ADAM22: variants seen among roughly 807,000 people sequenced by gnomAD.
The protein encoded by ADAM22 is ADAM metallopeptidase domain 22.
Under a neutral mutation model 144.6 loss-of-function variants are expected in ADAM22, and 65 were observed. That is an observed-to-expected ratio of 0.45 (90% CI 0.37 to 0.55). ADAM22 has a LOEUF of 0.55. ADAM22 is among the 20% of genes least tolerant of loss of function. The probability of loss-of-function intolerance (pLI) is 0.00; values close to 1 mark genes in which losing one functional copy is unlikely to be tolerated. For missense variants in ADAM22, 974 were observed against 1,184.9 expected, an observed-to-expected ratio of 0.82 and a Z score of 2.61; for synonymous variants, 391 against 412.6, an observed-to-expected ratio of 0.95 and a Z score of 0.63.
At chr7:87,938,207 A>ATTTTTTTTTTTTT (rs59698275) in intron 2 of ADAM22, among the ~76,000 whole-genome samples, 1 of 75,554 alleles carries the variant, frequency 1.3e-5, no homozygotes, top group Non-Finnish European at 2.4e-5. Context: ...ATACCCATAG[A>ATTTTTTTTTTTTT]TTTTTTTTTT....
At chr7:87,992,232 A>G (rs1790077370) in intron 3 of ADAM22, among the ~76,000 whole-genome samples, 2 of 152,188 alleles carry the variant, frequency 1.3e-5, no homozygotes, top group South Asian at 4.1e-4. Context: ...AAAGCAGAGG[A>G]AAGAGATGGA....
In ADAM22 at chr7:88,196,894, A is replaced by G. The variant is rs1850744388; in HGVS notation, c.*403A>G. 5.2e-6 allele frequency: 1 copy of G among 191,628 alleles called. No individual in the cohort carries two copies. Among genetic ancestry groups the G allele is most frequent in the African/African-American group, 2.3e-5 (1 of 43,284 alleles). 11.9% of individuals were successfully genotyped at this position (191,628 alleles called of 1,614,324 possible). Reference sequence around the variant, plus strand: ...CATCCTCACTGTAAACAGTAATGCTATATGCATGAAGCTTCTGTTTATTGT... The same window carrying G: ...CATCCTCACTGTAAACAGTAATGCTGTATGCATGAAGCTTCTGTTTATTGT... On this transcript the variant is annotated 3_prime_UTR_variant, in exon 32 of 32. Coordinates refer to ENST00000413139, the MANE Select transcript of ADAM22 (RefSeq NM_001324418.2).
intron 4 of ADAM22, among the ~76,000 whole-genome samples, chr7:88,078,195 A>G (rs62486389): frequency 0.24 from 36,643 of 152,118 alleles, 5,581 homozygotes; most frequent in South Asian, 0.39. Context: ...CAATTCCCCA[A>G]TATCCACTTT....
intron 4 of ADAM22, among the ~76,000 whole-genome samples, chr7:88,101,406 T>C (rs1435680716): frequency 6.6e-6 from 1 of 152,130 alleles, no homozygotes; most frequent in Non-Finnish European, 1.5e-5. Context: ...TGTTTGGATC[T>C]GGAGGTGCCT....
intron 14 of ADAM22, among the ~76,000 whole-genome samples, chr7:88,140,252 C>G (rs1834207379): frequency 6.6e-6 from 1 of 152,052 alleles, no homozygotes; most frequent in African/African-American, 2.4e-5. Context: ...TTTGAGGGGA[C>G]AAACATCCAA....
chr7:88,008,658 C>G (rs1425537611), intron 3 of ADAM22, among the ~76,000 whole-genome samples: 1 of 151,420 alleles, frequency 6.6e-6, no homozygotes, highest in Non-Finnish European at 1.5e-5. Context: ...GGACAAAAAA[C>G]CAAACACCAC....
At chr7:88,061,112 A>G (rs1004999733) in intron 3 of ADAM22, among the ~76,000 whole-genome samples, 1 of 152,142 alleles carries the variant, frequency 6.6e-6, no homozygotes, top group Admixed American at 6.5e-5. Flanking sequence ...TCAAAAAAAA[A>G]AAGAGTCCTC....
chr7:88,075,161 C>T (rs5885611), intron 3 of ADAM22, among the ~76,000 whole-genome samples: 57,115 of 151,966 alleles, frequency 0.38, 11,946 homozygotes, highest in East Asian at 0.62. Flanking sequence ...TATTCCATTT[C>T]ATTTCTTTTA....
chr7:88,162,423 C>G (rs992409014), intron 22 of ADAM22, among the ~76,000 whole-genome samples: 7 of 151,982 alleles, frequency 4.6e-5, no homozygotes, highest in African/African-American at 1.7e-4. Flanking sequence ...TTCTGCACGA[C>G]AAACCCTCAT....
chr7:87,980,287 CTTTT>C (rs71120015), intron 3 of ADAM22, among the ~76,000 whole-genome samples: 1 of 118,398 alleles, frequency 8.4e-6, no homozygotes. Flanking sequence ...GCACTGTGCT[CTTTT>C]TTTTTTTTGC....
chr7:88,148,577 G>A (rs1050132954), intron 17 of ADAM22, among the ~76,000 whole-genome samples: 4 of 152,064 alleles, frequency 2.6e-5, no homozygotes, highest in African/African-American at 9.7e-5. Context: ...AATTTTTGTG[G>A]TTCAACCCAA....
intron 3 of ADAM22, among the ~76,000 whole-genome samples, chr7:88,012,734 A>T (rs112976803): frequency 9.9e-5 from 15 of 152,264 alleles, no homozygotes; most frequent in African/African-American, 3.6e-4. Context: ...ATTAAATCTC[A>T]GTCTTTTAAG....
intron 14 of ADAM22, among the ~76,000 whole-genome samples, chr7:88,136,831 G>A (rs1381784851): frequency 6.6e-6 from 1 of 151,344 alleles, no homozygotes; most frequent in Non-Finnish European, 1.5e-5. Context: ...AAAAAAATTT[G>A]GAATGTTATT....
At chr7:88,132,174 T>C (rs1040090329) in intron 11 of ADAM22, 3 of 151,472 alleles carry the variant, frequency 2.0e-5, no homozygotes, top group African/African-American at 7.3e-5. Context: ...TTCCTGAACC[T>C]CTTGAAAGTA....
chr7:88,154,424 A>T (rs1839321279), intron 21 of ADAM22, among the ~76,000 whole-genome samples: 1 of 152,164 alleles, frequency 6.6e-6, no homozygotes, highest in East Asian at 1.9e-4. Context: ...CCTTTAACTC[A>T]TACCATCATC....
intron 2 of ADAM22, among the ~76,000 whole-genome samples, chr7:87,947,878 G>A (rs761005109): frequency 4.6e-5 from 7 of 152,012 alleles, no homozygotes; most frequent in Non-Finnish European, 7.4e-5. Context: ...TCTTTCCATC[G>A]TTGAGCACAG....
chr7:88,050,878 T>G (rs1327258468), intron 3 of ADAM22, among the ~76,000 whole-genome samples: 1 of 152,264 alleles, frequency 6.6e-6, no homozygotes, highest in Non-Finnish European at 1.5e-5. Flanking sequence ...ATTCCATTTG[T>G]CAATTTTGGC....
intron 2 of ADAM22, among the ~76,000 whole-genome samples, chr7:87,969,797 C>T (rs1306314158): frequency 6.6e-6 from 1 of 152,190 alleles, no homozygotes; most frequent in Non-Finnish European, 1.5e-5. Context: ...CACTGTTCTA[C>T]TTCTTGTAAT....
intron 3 of ADAM22, among the ~76,000 whole-genome samples, chr7:88,006,453 G>T (rs1267318343): frequency 6.6e-6 from 1 of 152,032 alleles, no homozygotes; most frequent in African/African-American, 2.4e-5. Context: ...AACCAAAAAA[G>T]AGAATTGTAG....
Sources: gnomAD v4.1 joint callset for allele counts (sites outside exome capture counted in the v4.1 genomes callset) on GRCh38, gnomAD v4.1.1 for gene constraint, MANE v1.5 for transcripts, NCBI Gene and HGNC (gene_info 2026-07-23, HGNC 2026-07-21) for gene names.